The following PTPRD variants were observed in gnomAD, a reference collection of about 807,000 sequenced individuals.
PTPRD encodes receptor-type tyrosine-protein phosphatase delta.
PTPRD carries 34 observed loss-of-function variants against 214.5 expected under a neutral mutation model. The ratio of observed to expected loss-of-function variants is 0.16; its 90% CI spans 0.12 to 0.21. The LOEUF (loss-of-function observed/expected upper bound fraction) is 0.21. Ranked by LOEUF, PTPRD falls within the 10% of genes least tolerant of loss-of-function variation. The pLI, the probability that PTPRD is intolerant of heterozygous loss-of-function variation, is 1.00. For synonymous variants in PTPRD, 1,128 were observed against 845.7 expected (o/e 1.33, Z -5.79); for missense variants, 2,545 against 2,398.7 (o/e 1.06, Z -1.27).
At chr9:10,519,141 T>G (rs1345329283) in intron 2 of PTPRD, among the ~76,000 whole-genome samples, 2 of 150,634 alleles carry the variant, frequency 1.3e-5, no homozygotes, top group South Asian at 4.2e-4. Flanking sequence ...AGATAACTCT[T>G]GAGGACAAAA....
chr9:9,713,565 G>C (rs1372557352), intron 7 of PTPRD, among the ~76,000 whole-genome samples: 1 of 152,138 alleles, frequency 6.6e-6, no homozygotes, highest in African/African-American at 2.4e-5. Context: ...CCAAGACTAT[G>C]AGAGATTTTT....
chr9:10,133,918 G>T (rs1189227917), intron 3 of PTPRD, among the ~76,000 whole-genome samples: 2 of 152,096 alleles, frequency 1.3e-5, no homozygotes, highest in African/African-American at 4.8e-5. Flanking sequence ...ATATATCACA[G>T]TGACATATAA....
At chr9:8,537,312 G>C (rs1439658635) in intron 14 of PTPRD, among the ~76,000 whole-genome samples, 1 of 151,814 alleles carries the variant, frequency 6.6e-6, no homozygotes, top group Non-Finnish European at 1.5e-5. Flanking sequence ...TCAAATGCTA[G>C]TCCAGTCAGC....
In PTPRD at chr9:8,775,255, G is replaced by C. The variant is rs573351829; in HGVS notation, c.-103-41309C>G. Among the ~76,000 whole-genome samples the C allele has an allele frequency of 2.6e-5, 4 of 152,284 alleles. No homozygotes were observed. The East Asian group carries it at 5.8e-4, about 22-fold the overall frequency. On this transcript the variant is annotated intron_variant, in intron 11 of 45. Coordinates refer to ENST00000381196, the MANE Select transcript of PTPRD (RefSeq NM_002839.4). ...GGGGTCTTTTTTTCTGATATGGTCT[G>C]TTTAAGCTTTGTTTACTTTCTCAGC...
intron 11 of PTPRD, among the ~76,000 whole-genome samples, chr9:8,818,200 TTG>T (rs77451662): frequency 0.14 from 20,808 of 152,174 alleles, 1,628 homozygotes; most frequent in East Asian, 0.25. Flanking sequence ...ATCACTTTAA[TTG>T]ACTTTAAACA....
chr9:9,088,205 G>C (rs943182460), intron 10 of PTPRD, among the ~76,000 whole-genome samples: 6 of 151,526 alleles, frequency 4.0e-5, no homozygotes, highest in African/African-American at 1.5e-4. Flanking sequence ...TTTGATTCTT[G>C]TGTCCTCATT....
intron 8 of PTPRD, among the ~76,000 whole-genome samples, chr9:9,489,276 C>T (rs1448242405): frequency 6.6e-6 from 1 of 152,062 alleles, no homozygotes; most frequent in Non-Finnish European, 1.5e-5. Flanking sequence ...CACGAACATT[C>T]CAAAAAATAG....
intron 4 of PTPRD, among the ~76,000 whole-genome samples, chr9:9,981,541 TAC>T (rs2095544501): frequency 2.0e-5 from 3 of 150,896 alleles, no homozygotes; most frequent in African/African-American, 4.9e-5. Flanking sequence ...GTATTTTTTT[TAC>T]TAGAGACGGA....
rs753684147 is a variant in PTPRD at position 8,733,811 on chromosome 9, G to GAGCAGC, written c.27_32dup (p.Leu11_Leu12dup). On this transcript the variant is annotated inframe_insertion, in exon 12 of 46. Transcript: ENST00000381196. ...CATCCGTGCGGAGGAAGAAAGTGAG[G>GAGCAGC]AGCAGCAGCAGCAGCCTGGCTACGT... 1.9e-6 allele frequency: 3 copies of GAGCAGC among 1,552,878 alleles called. No homozygotes were observed. The Admixed American group carries it at 5.9e-5, about 30-fold the overall frequency.
At position 9,190,028 on chromosome 9, in the gene PTPRD, G is replaced by A. The variant is rs2099934129; in HGVS notation, c.-202-6665C>T. 2.6e-5 allele frequency among the ~76,000 whole-genome samples: 4 copies of A among 152,176 alleles called. No individual in the cohort carries two copies. In the South Asian group the frequency reaches 8.3e-4, roughly 32 times the overall value. On this transcript the variant is annotated intron_variant, in intron 9 of 45. Transcript: ENST00000381196. ...TGATGTTGGAGACTTTCTGAGTGAGGACAGCATGAGAAGAATATGTAGCCA... is the reference window on the plus strand; with the variant it reads ...TGATGTTGGAGACTTTCTGAGTGAGAACAGCATGAGAAGAATATGTAGCCA...
intron 10 of PTPRD, among the ~76,000 whole-genome samples, chr9:9,097,501 C>G (rs1028647672): frequency 2.0e-5 from 3 of 151,848 alleles, no homozygotes; most frequent in Non-Finnish European, 4.4e-5. Context: ...CTCTGCCGCC[C>G]GGATTCAAGC....
At chr9:8,454,013 G>C (rs1050793245) in intron 33 of PTPRD, among the ~76,000 whole-genome samples, 4 of 152,136 alleles carry the variant, frequency 2.6e-5, no homozygotes, top group African/African-American at 9.7e-5. Context: ...GAAAGCTAGA[G>C]GGTTAGTTTG....
chr9:9,004,805 T>C (rs1040376806), intron 11 of PTPRD, among the ~76,000 whole-genome samples: 2 of 151,980 alleles, frequency 1.3e-5, no homozygotes, highest in Non-Finnish European at 2.9e-5. Context: ...CTAGTAAGTG[T>C]ACAGCACTGA....
intron 7 of PTPRD, among the ~76,000 whole-genome samples, chr9:9,610,634 G>C (rs1393538809): frequency 6.6e-6 from 1 of 152,122 alleles, no homozygotes; most frequent in Admixed American, 6.5e-5. Context: ...GGGGATGTTT[G>C]AAAACTTGAG....
intron 11 of PTPRD, among the ~76,000 whole-genome samples, chr9:8,747,591 T>G (rs899240686): frequency 3.3e-5 from 5 of 152,146 alleles, no homozygotes; most frequent in Non-Finnish European, 4.4e-5. Flanking sequence ...ACACTTAGTA[T>G]GGGGTAATCC....
chr9:8,402,716 T>C (rs1439877730), intron 36 of PTPRD, among the ~76,000 whole-genome samples: 1 of 152,200 alleles, frequency 6.6e-6, no homozygotes, highest in Non-Finnish European at 1.5e-5. Flanking sequence ...TTTTTCACAC[T>C]TTAAAATGGA....
intron 11 of PTPRD, among the ~76,000 whole-genome samples, chr9:8,964,415 G>T: frequency 6.6e-6 from 1 of 151,220 alleles, no homozygotes; most frequent in South Asian, 2.1e-4. Context: ...CACTGTTGTT[G>T]TTTCTGATTG....
chr9:9,763,543 C>G (rs941375439), intron 6 of PTPRD, among the ~76,000 whole-genome samples: 2 of 152,056 alleles, frequency 1.3e-5, no homozygotes, highest in African/African-American at 4.8e-5. Flanking sequence ...TAAAAGGTTC[C>G]TTATTATTTT....
intron 4 of PTPRD, among the ~76,000 whole-genome samples, chr9:10,024,069 G>C (rs1317226660): frequency 4.0e-5 from 6 of 151,780 alleles, no homozygotes; most frequent in Non-Finnish European, 7.4e-5. Flanking sequence ...ATCATTTTTA[G>C]ATATATTTCC....
Sources: allele counts gnomAD v4.1 joint callset (sites outside exome capture counted in the v4.1 genomes callset), GRCh38; gene constraint gnomAD v4.1.1; transcripts MANE v1.5; gene names NCBI Gene and HGNC (gene_info 2026-07-23, HGNC 2026-07-21).